The following CCDC14 variants were observed in gnomAD, a reference collection of about 807,000 sequenced individuals.
The protein encoded by CCDC14 is coiled-coil domain containing 14, also known as coiled-coil domain-containing protein 14.
CCDC14 carries 71 observed loss-of-function variants against 81.4 expected under a neutral mutation model. That is an observed-to-expected ratio of 0.87 (90% CI 0.72 to 1.06). The LOEUF is 1.06. CCDC14 is among the 50% of genes least tolerant of loss of function. CCDC14 has a pLI of 0.00. For synonymous variants in CCDC14, 332 were observed against 364.8 expected, an observed-to-expected ratio of 0.91 and a Z score of 1.03; for missense variants, 1,046 against 1,047.3, an observed-to-expected ratio of 1.00 and a Z score of 0.02.
rs1175699137 is a variant in CCDC14, at chr3:123,913,672, A to G, written c.*1107T>C. The G allele has an allele frequency of 1.1e-4, 13 of 121,768 alleles. No individual in the cohort carries two copies. Among genetic ancestry groups the G allele is most frequent in the Non-Finnish European group, 1.6e-4 (12 of 76,384 alleles). The allele number at this position is 121,768 out of a possible 1,614,324, so 7.5% of individuals were successfully genotyped here. On this transcript the variant is annotated 3_prime_UTR_variant, in exon 13 of 13. Transcript: ENST00000409697. Reference sequence around the variant, plus strand: ...TTCAAACGCTGTAGCACTAACACCTAAAAAAAAAAAAAAAACCACCAAAAA... The same window carrying G: ...TTCAAACGCTGTAGCACTAACACCTGAAAAAAAAAAAAAAACCACCAAAAA...
chr3:123,887,941 A>C, the CCDC14 span, among the ~76,000 whole-genome samples: 1 of 151,464 alleles, frequency 6.6e-6, no homozygotes, highest in Non-Finnish European at 1.5e-5. Flanking sequence ...TTTGTTTTTA[A>C]GTTTATAAAT....
chr3:123,911,280 C>T (rs942737171), downstream of CCDC14, among the ~76,000 whole-genome samples: 1 of 152,088 alleles, frequency 6.6e-6, no homozygotes, highest in Non-Finnish European at 1.5e-5. Flanking sequence ...TAAAATAGTG[C>T]CCGGTTCTCT....
At chr3:123,929,474 G>C (rs1468017211) in intron 12 of CCDC14, among the ~76,000 whole-genome samples, 1 of 151,744 alleles carries the variant, frequency 6.6e-6, no homozygotes, top group East Asian at 1.9e-4. Flanking sequence ...AGCTAACTTT[G>C]GTATTTTTTG....
intron 12 of CCDC14, among the ~76,000 whole-genome samples, chr3:123,928,897 TC>T (rs2035541544): frequency 6.6e-6 from 1 of 152,186 alleles, no homozygotes; most frequent in South Asian, 2.1e-4. Flanking sequence ...AGTTTGCCCA[TC>T]TATGAAAATG....
chr3:123,891,569 A>G, the CCDC14 span, among the ~76,000 whole-genome samples: 1 of 152,204 alleles, frequency 6.6e-6, no homozygotes. Context: ...AAAACATAAC[A>G]AGAGTCACAT....
chr3:123,907,209 G>A (rs1419066855), intron 5 of CCDC14, among the ~76,000 whole-genome samples: 4 of 152,086 alleles, frequency 2.6e-5, no homozygotes, highest in Non-Finnish European at 5.9e-5. Context: ...TTTTGAAGCA[G>A]TTAAGGAAAG....
intron 5 of CCDC14, among the ~76,000 whole-genome samples, chr3:123,907,877 T>G (rs2034353133): frequency 6.6e-6 from 1 of 151,862 alleles, no homozygotes; most frequent in African/African-American, 2.4e-5. Flanking sequence ...CTAGCTATTT[T>G]GCAGTTTGGT....
chr3:123,909,236 GACA>G (rs1480254376), downstream of CCDC14, among the ~76,000 whole-genome samples: 2 of 152,260 alleles, frequency 1.3e-5, no homozygotes, highest in South Asian at 2.1e-4. Flanking sequence ...CTGAGCGGCT[GACA>G]ACATTTCTTG....
intron 5 of CCDC14, among the ~76,000 whole-genome samples, chr3:123,900,300 C>T (rs909514694): frequency 6.6e-6 from 1 of 152,084 alleles, no homozygotes. Context: ...TAACGGTCTC[C>T]CACACACCCA....
downstream of CCDC14, among the ~76,000 whole-genome samples, chr3:123,893,991 G>A (rs557593166): frequency 1.3e-5 from 2 of 152,128 alleles, no homozygotes; most frequent in African/African-American, 2.4e-5. Context: ...TCATTCTGTA[G>A]GTTGCTTTGT....
At chr3:123,919,117 G>A (rs1040205161) in intron 12 of CCDC14, among the ~76,000 whole-genome samples, 1 of 152,174 alleles carries the variant, frequency 6.6e-6, no homozygotes, top group Non-Finnish European at 1.5e-5. Flanking sequence ...AGACCCAGAG[G>A]CAAGTGCACA....
Position 123,948,952 on chromosome 3 carries a change from G to A in CCDC14, c.533C>T (p.Ser178Leu). 5 of 1,614,010 alleles carry A rather than the reference G, an allele frequency of 3.1e-6. No homozygotes were observed. The highest frequency in any genetic ancestry group is 1.1e-5 in the South Asian group (1 of 91,076). The change falls in exon 6 of 13, where the codon TCA becomes TTA. Residue 178 changes from serine to leucine, a missense_variant. Ser to Leu is a moderately radical substitution (Grantham distance 145). Coordinates refer to ENST00000409697, the MANE Select transcript of CCDC14 (RefSeq NM_001366335.1). ...TQMSLMNDLT[S>L]KNIPNGIPAV... is the part of the protein sequence containing the mutation. ...AGGAATTCCATTAGGGATGTTCTTT[G>A]AAGTCAAGTCATTCATCAGTGACAT...
At position 123,946,940 on chromosome 3, in the gene CCDC14, T is replaced by C; in HGVS notation, c.1064A>G (p.Lys355Arg). Reference sequence around the variant, plus strand: ...ATCTCGCACATGTATGTTTAAATCCTTTCTTTCACTTGTGGCCTCTCTAAT... The same window carrying C: ...ATCTCGCACATGTATGTTTAAATCCCTTCTTTCACTTGTGGCCTCTCTAAT... ...EQIREATSERKDLNIHVRDTK... is the reference protein window; with the variant it reads ...EQIREATSERRDLNIHVRDTK... The change falls in exon 8 of 13, where the codon AAG (lysine) becomes AGG (arginine). Residue 355 changes from lysine to arginine, a missense_variant. Lys to Arg is a conservative substitution (Grantham distance 26). Coordinates refer to ENST00000409697, the MANE Select transcript of CCDC14 (RefSeq NM_001366335.1). 6.2e-7 allele frequency: 1 copy of C among 1,614,016 alleles called. No individual in the cohort carries two copies. The highest frequency in any genetic ancestry group is 8.5e-7 in the Non-Finnish European group (1 of 1,179,878).
At chr3:123,922,918 A>G (rs578085325) in intron 12 of CCDC14, among the ~76,000 whole-genome samples, 139 of 152,292 alleles carry the variant, frequency 9.1e-4, no homozygotes, top group African/African-American at 3.1e-3. Context: ...TGAACACTTG[A>G]AAACACTGTT....
chr3:123,949,204 A>C, intron 5 of CCDC14, 72 bp from the exon 6 acceptor site: 1 of 916,250 alleles, frequency 1.1e-6, no homozygotes, highest in Non-Finnish European at 1.7e-6. Context: ...TTTTAAGAGA[A>C]GAAAGGGCTC....
At chr3:123,917,256 G>A (rs938479888) in intron 12 of CCDC14, among the ~76,000 whole-genome samples, 3 of 151,694 alleles carry the variant, frequency 2.0e-5, no homozygotes, top group Non-Finnish European at 4.4e-5. Context: ...CACTTTGGGA[G>A]GCTGTGGCAG....
intron 5 of CCDC14, among the ~76,000 whole-genome samples, chr3:123,951,102 C>A: frequency 6.6e-6 from 1 of 152,158 alleles, no homozygotes; most frequent in East Asian, 1.9e-4. Flanking sequence ...CACTTATTAG[C>A]TGAGTAACCT....
intron 9 of CCDC14, among the ~76,000 whole-genome samples, chr3:123,937,281 A>C (rs1452731050): frequency 2.0e-5 from 3 of 152,166 alleles, no homozygotes; most frequent in African/African-American, 7.2e-5. Context: ...CAAAGTGTTC[A>C]AATTATTTTA....
chr3:123,923,941 C>G (rs914469492), intron 12 of CCDC14, among the ~76,000 whole-genome samples: 2 of 147,746 alleles, frequency 1.4e-5, no homozygotes, highest in African/African-American at 5.0e-5. Flanking sequence ...ATAGAATAAA[C>G]TATCCTAAAA....
Sources: gnomAD v4.1 joint callset for allele counts (sites outside exome capture counted in the v4.1 genomes callset) on GRCh38, gnomAD v4.1.1 for gene constraint, MANE v1.5 for transcripts, NCBI Gene and HGNC (gene_info 2026-07-23, HGNC 2026-07-21) for gene names.